LNX1: variants seen among roughly 807,000 people sequenced by gnomAD.
LNX1 encodes E3 ubiquitin-protein ligase LNX.
Under a neutral mutation model 68.4 loss-of-function variants are expected in LNX1, and 54 were observed. The observed-to-expected ratio is 0.79, with a 90% CI of 0.63 to 0.99. The LOEUF (loss-of-function observed/expected upper bound fraction) is 0.99. Ranked by LOEUF, LNX1 falls within the 50% of genes least tolerant of loss-of-function variation. LNX1 has a pLI of 0.00. For synonymous variants in LNX1, 336 were observed against 350.0 expected, an observed-to-expected ratio of 0.96 and a Z score of 0.45; for missense variants, 906 against 926.4, an observed-to-expected ratio of 0.98 and a Z score of 0.29.
intron 1 of LNX1, among the ~76,000 whole-genome samples, chr4:53,652,016 TGTGTGAGAGAGAGA>T (rs1560708509): frequency 8.6e-6 from 1 of 116,004 alleles, no homozygotes; most frequent in Non-Finnish European, 1.7e-5. Flanking sequence ...TTGATGTGTG[TGTGTGAGAGAGAGA>T]GAGAGAGAGA....
At chr4:53,615,699 C>T (rs1349183027) in intron 2 of LNX1, among the ~76,000 whole-genome samples, 1 of 152,154 alleles carries the variant, frequency 6.6e-6, no homozygotes, top group African/African-American at 2.4e-5. Context: ...CTTATTAATA[C>T]AGAGCCTTGG....
chr4:53,466,922 G>A (rs2150561797), intron 9 of LNX1, among the ~76,000 whole-genome samples: 1 of 152,306 alleles, frequency 6.6e-6, no homozygotes, highest in Middle Eastern at 3.4e-3. Context: ...TGGGGGCAGG[G>A]CACAGACAAA....
At position 53,459,432 on chromosome 4, in the gene LNX1, G is replaced by GCTA; in HGVS notation, c.*1472_*1474dup. On this transcript the variant is annotated 3_prime_UTR_variant, in exon 11 of 11. Transcript: ENST00000263925. ...TGCCCCTGAACAGGAGAGCACCGAA[G>GCTA]CTACACCTGCAGAATAGGCATGGTT... 1 of 1,612,768 alleles carries GCTA rather than the reference G, an allele frequency of 6.2e-7. No homozygotes were observed. The highest frequency in any genetic ancestry group is 8.5e-7 in the Non-Finnish European group (1 of 1,179,388).
chr4:53,632,755 C>T (rs1734324776), intron 1 of LNX1, among the ~76,000 whole-genome samples: 1 of 152,072 alleles, frequency 6.6e-6, no homozygotes, highest in African/African-American at 2.4e-5. Flanking sequence ...GATCTGTATC[C>T]TAGGAAGAGG....
At chr4:53,516,238 T>C (rs1726773506) in intron 2 of LNX1, among the ~76,000 whole-genome samples, 1 of 152,108 alleles carries the variant, frequency 6.6e-6, no homozygotes, top group African/African-American at 2.4e-5. Flanking sequence ...CAACACCCTA[T>C]CTATCTCTTT....
intron 1 of LNX1, among the ~76,000 whole-genome samples, chr4:53,629,485 T>A (rs1389399736): frequency 6.6e-6 from 1 of 152,230 alleles, no homozygotes; most frequent in African/African-American, 2.4e-5. Flanking sequence ...AAGCTTGGGT[T>A]CATCCCAGGA....
chr4:53,606,206 A>G (rs1231556875), intron 2 of LNX1, among the ~76,000 whole-genome samples: 3 of 152,068 alleles, frequency 2.0e-5, no homozygotes, highest in Non-Finnish European at 4.4e-5. Context: ...AAAGAAAAAA[A>G]GGGAGAAGTT....
intron 1 of LNX1, among the ~76,000 whole-genome samples, chr4:53,634,066 T>C (rs1734374391): frequency 6.6e-6 from 1 of 152,136 alleles, no homozygotes; most frequent in African/African-American, 2.4e-5. Context: ...GGGCAGGAAG[T>C]ATGCGATAAA....
intron 2 of LNX1, among the ~76,000 whole-genome samples, chr4:53,547,030 T>C (rs767702757): frequency 6.6e-6 from 1 of 152,216 alleles, no homozygotes; most frequent in Non-Finnish European, 1.5e-5. Flanking sequence ...AGAGACTGTA[T>C]GGTTACAGCA....
In LNX1 at chr4:53,643,151, C is replaced by CT. The variant is rs896271944; in HGVS notation, c.-215+9016dup. Reference sequence around the variant, plus strand: ...TATTGTTGAGTCAAGAAATCTTGGTCTTTTTTTTTTCTTTTTTAAGACAGG... The same window carrying CT: ...TATTGTTGAGTCAAGAAATCTTGGTCTTTTTTTTTTTCTTTTTTAAGACAGG... On this transcript the variant is annotated intron_variant, in intron 1 of 2. Coordinates refer to the LNX1 transcript ENST00000507168. 1.1e-3 allele frequency among the ~76,000 whole-genome samples: 171 copies of CT among 149,154 alleles called. 1 individual carries two copies. Among genetic ancestry groups the CT allele is most frequent in the African/African-American group, 3.8e-3 (154 of 40,782 alleles).
At chr4:53,635,247 A>G (rs1734428717) in intron 1 of LNX1, among the ~76,000 whole-genome samples, 1 of 152,204 alleles carries the variant, frequency 6.6e-6, no homozygotes. Context: ...CCAAAGCTGA[A>G]TAGTGCAGAG....
chr4:53,634,442 C>A (rs1263152996), intron 1 of LNX1, among the ~76,000 whole-genome samples: 2 of 152,062 alleles, frequency 1.3e-5, no homozygotes, highest in Non-Finnish European at 2.9e-5. Context: ...CGGGGTTTCA[C>A]CATGTTGGCC....
chr4:53,571,491 A>G (rs1731166729), intron 2 of LNX1, among the ~76,000 whole-genome samples: 1 of 152,118 alleles, frequency 6.6e-6, no homozygotes, highest in Non-Finnish European at 1.5e-5. Context: ...CTGGCTCTGA[A>G]GATGGAAGAG....
chr4:53,496,673 A>C, intron 5 of LNX1: 1 of 349,222 alleles, frequency 2.9e-6, no homozygotes, highest in East Asian at 4.4e-5. Context: ...CCTAGCCTTC[A>C]TTTCTGTTGT....
intron 1 of LNX1, among the ~76,000 whole-genome samples, chr4:53,589,175 G>T (rs1217063472): frequency 3.3e-5 from 5 of 152,190 alleles, no homozygotes; most frequent in African/African-American, 9.6e-5. Flanking sequence ...CCCCCGAAAG[G>T]CCCATGGAGA....
At chr4:53,471,144 T>C (rs59651495) in intron 9 of LNX1, among the ~76,000 whole-genome samples, 17,489 of 145,556 alleles carry the variant, frequency 0.12, 1,214 homozygotes, top group East Asian at 0.16. Context: ...AAAACAGAGA[T>C]ATAGACCAAT....
intron 2 of LNX1, among the ~76,000 whole-genome samples, chr4:53,559,589 G>A (rs1176673007): frequency 6.6e-6 from 1 of 152,158 alleles, no homozygotes; most frequent in Admixed American, 6.5e-5. Flanking sequence ...GTAAGAAGGT[G>A]AAATGAGGCA....
At chr4:53,583,627 AG>A (rs1378560662) in intron 1 of LNX1, among the ~76,000 whole-genome samples, 1 of 152,226 alleles carries the variant, frequency 6.6e-6, no homozygotes, top group Non-Finnish European at 1.5e-5. Flanking sequence ...ATTGAACTAA[AG>A]GGAGACCATG....
chr4:53,495,405 A>G lies in LNX1; in HGVS notation c.1350+618T>C, dbSNP rs762412404. 9.2e-5 allele frequency among the ~76,000 whole-genome samples: 14 copies of G among 152,180 alleles called. 1 individual carries two copies. Among genetic ancestry groups the G allele is most frequent in the African/African-American group, 2.7e-4 (11 of 41,458 alleles). The stretch of plus-strand genomic sequence containing the variant: ...ATGAACTCTACTTGCCTGAGTGATC[A>G]AGAATTTGCGTCCCTCTCTTCTTAG... On this transcript the variant is annotated intron_variant, in intron 6 of 10. Transcript: ENST00000263925.
Sources: allele counts gnomAD v4.1 joint callset (sites outside exome capture counted in the v4.1 genomes callset), GRCh38; gene constraint gnomAD v4.1.1; transcripts MANE v1.5; gene names NCBI Gene and HGNC (gene_info 2026-07-23, HGNC 2026-07-21).